Variants in KLB observed in about 807,000 individuals in gnomAD.
KLB encodes klotho beta, also known as beta-klotho.
KLB carries 44 observed loss-of-function variants against 88.4 expected under a neutral mutation model. That is an observed-to-expected ratio of 0.50 (90% CI 0.39 to 0.64). The LOEUF (loss-of-function observed/expected upper bound fraction) is 0.64. Among genes scored for constraint, KLB ranks in the 30% least tolerant of loss-of-function variants. KLB has a pLI of 0.00. For missense variants in KLB, 1,137 were observed against 1,304.8 expected, an observed-to-expected ratio of 0.87 and a Z score of 1.98; for synonymous variants, 548 against 513.4, an observed-to-expected ratio of 1.07 and a Z score of -0.91.
chr4:39,441,525 T>C (rs189093359), intron 3 of KLB: 3 of 152,110 alleles, frequency 2.0e-5, no homozygotes, highest in Non-Finnish European at 2.9e-5. Context: ...GTCTGCCCCT[T>C]CTACATTTCA....
At chr4:39,420,666 A>G (rs1743062193) in intron 1 of KLB, among the ~76,000 whole-genome samples, 1 of 151,992 alleles carries the variant, frequency 6.6e-6, no homozygotes, top group African/African-American at 2.4e-5. Flanking sequence ...CTGGGACTAC[A>G]GGTGCACCTG....
At chr4:39,437,195 CT>C (rs1173607885) in intron 2 of KLB, among the ~76,000 whole-genome samples, 1 of 152,212 alleles carries the variant, frequency 6.6e-6, no homozygotes, top group Non-Finnish European at 1.5e-5. Flanking sequence ...CCTCAGCCCC[CT>C]GCTCTTTAGC....
At chr4:39,448,160 A>T in intron 4 of KLB, 141 bp from the exon 5 acceptor site, 2 of 607,488 alleles carry the variant, frequency 3.3e-6, no homozygotes, top group Non-Finnish European at 5.7e-6. Context: ...TAAAAGAATA[A>T]ATGTCAAAAA....
Position 39,437,959 on chromosome 4 carries a change from T to C in KLB, c.1569T>C (p.Cys523=). 6.2e-7 allele frequency: 1 copy of C among 1,614,188 alleles called. No individual in the cohort carries two copies. Among genetic ancestry groups the C allele is most frequent in the South Asian group, 1.1e-5 (1 of 91,080 alleles). ...STPDVQGQFP[C]DFSWGVTESV... is the part of the protein sequence containing the mutation. ...CAGATGTGCAGGGCCAGTTTCCCTG[T>C]GACTTCTCCTGGGGTGTCACTGAAT... Residue 523 remains cysteine, a synonymous_variant, in exon 3 of 5, where the codon TGT becomes TGC. Transcript: ENST00000257408.
At chr4:39,417,391 C>G (rs1348024119) in intron 1 of KLB, among the ~76,000 whole-genome samples, 1 of 152,054 alleles carries the variant, frequency 6.6e-6, no homozygotes, top group Non-Finnish European at 1.5e-5. Context: ...CTCAGCTCAC[C>G]GTAACCTCAG....
chr4:39,437,845 T>A lies in KLB; in HGVS notation c.1455T>A (p.Ser485Arg). Residue 485 changes from serine to arginine, a missense_variant, in exon 3 of 5, where the codon AGT becomes AGA. By Grantham distance (110) the Ser-to-Arg change is moderately radical. Around this residue, in one of 4 missense-constraint regions of KLB, gnomAD observed 597 missense variants for 765.2 expected, o/e 0.78. Transcript: ENST00000257408. ...GATTATTTTATGTGGATTTTAACAG[T>A]AAACAGAAAGAGCGGAAACCTAAGT... ...RRGLFYVDFN[S>R]KQKERKPKSS... 1 of 1,614,192 alleles carries A rather than the reference T, an allele frequency of 6.2e-7. No homozygotes were observed. Among genetic ancestry groups the A allele is most frequent in the Non-Finnish European group, 8.5e-7 (1 of 1,180,020 alleles).
intron 1 of KLB, among the ~76,000 whole-genome samples, chr4:39,413,333 G>A (rs139731598): frequency 1.9e-3 from 290 of 152,210 alleles, no homozygotes; most frequent in African/African-American, 6.8e-3. Context: ...GAACATTTGA[G>A]AGTCTCTGAG....
chr4:39,447,584 A>C, intron 4 of KLB, 109 bp downstream of exon 4: 1 of 894,342 alleles, frequency 1.1e-6, no homozygotes, highest in East Asian at 2.8e-5. Flanking sequence ...AATTTGTGGC[A>C]CCCAAGTCCT....
intron 1 of KLB, among the ~76,000 whole-genome samples, chr4:39,411,092 T>C (rs1200194331): frequency 6.6e-6 from 1 of 152,160 alleles, no homozygotes; most frequent in Non-Finnish European, 1.5e-5. Flanking sequence ...TCGTTCTTGT[T>C]GCCCAGCCTG....
At chr4:39,425,043 A>C (rs1354061341) in intron 1 of KLB, among the ~76,000 whole-genome samples, 1 of 152,188 alleles carries the variant, frequency 6.6e-6, no homozygotes, top group Non-Finnish European at 1.5e-5. Flanking sequence ...GTCCTTTTGC[A>C]TGAAAAAATT....
chr4:39,426,400 C>A (rs1311580297), intron 1 of KLB, among the ~76,000 whole-genome samples: 5 of 101,908 alleles, frequency 4.9e-5, no homozygotes, highest in Non-Finnish European at 7.0e-5. Context: ...GGTGACAGAG[C>A]AAGACTCCTA....
intron 2 of KLB, among the ~76,000 whole-genome samples, chr4:39,436,641 A>G (rs565110930): frequency 2.6e-5 from 4 of 152,316 alleles, no homozygotes; most frequent in East Asian, 1.9e-4. Flanking sequence ...TCTTTTAAGA[A>G]AGAAAAAAGG....
chr4:39,443,814 CTA>C (rs893738611), intron 3 of KLB, among the ~76,000 whole-genome samples: 1 of 150,506 alleles, frequency 6.6e-6, no homozygotes, highest in African/African-American at 2.4e-5. Context: ...ACTTGGGACT[CTA>C]TGAATATCCT....
chr4:39,437,011 GTT>G (rs1272188150), intron 2 of KLB, among the ~76,000 whole-genome samples: 2 of 152,114 alleles, frequency 1.3e-5, no homozygotes, highest in Non-Finnish European at 2.9e-5. Flanking sequence ...CGCCCCGCCT[GTT>G]GATTTTCATA....
chr4:39,428,436 A>C (rs957734780), intron 1 of KLB, among the ~76,000 whole-genome samples: 1 of 152,080 alleles, frequency 6.6e-6, no homozygotes, highest in Non-Finnish European at 1.5e-5. Flanking sequence ...CTCAAAAAAA[A>C]AAAAAAGAAT....
chr4:39,424,790 G>A (rs1274006820), intron 1 of KLB, among the ~76,000 whole-genome samples: 2 of 151,868 alleles, frequency 1.3e-5, no homozygotes, highest in East Asian at 1.9e-4. Flanking sequence ...CACCACGCCT[G>A]GCTAATTTTT....
At chr4:39,433,781 A>T (rs1578209894) in intron 1 of KLB, among the ~76,000 whole-genome samples, 1 of 152,184 alleles carries the variant, frequency 6.6e-6, no homozygotes, top group Non-Finnish European at 1.5e-5. Context: ...AATTGCTTGA[A>T]CCTGGGAGGC....
At chr4:39,434,132 T>C (rs1743419158) in intron 1 of KLB, 78 bp from the exon 2 acceptor site, 5 of 1,346,844 alleles carry the variant, frequency 3.7e-6, no homozygotes, top group South Asian at 2.8e-5. Context: ...ATTTTATCCA[T>C]GAAAAGGCCA....
rs1368345883 is a variant in KLB, at chr4:39,446,864, A to G, written c.2138A>G (p.His713Arg). ...GGCAACGACACCTACGGGGCGGCGC[A>G]CAACCTGCTGGTGGCCCACGCCCTG... The part of the protein sequence containing the change: ...RSGNDTYGAA[H>R]NLLVAHALAW... Residue 713 changes from histidine (H) to arginine (R), a missense_variant, in exon 4 of 5, where the codon CAC becomes CGC. Coordinates refer to ENST00000257408, the MANE Select transcript of KLB (RefSeq NM_175737.4). This position sits in a 1 kb window ranked among gnomAD's most constrained non-coding sequence, Gnocchi z 6.4. The G allele has an allele frequency of 6.2e-7, 1 of 1,610,652 alleles. No individual in the cohort carries two copies. The highest frequency in any genetic ancestry group is 8.5e-7 in the Non-Finnish European group (1 of 1,179,928).
Sources: gnomAD v4.1 joint callset for allele counts (sites outside exome capture counted in the v4.1 genomes callset) on GRCh38, gnomAD v4.1.1 for gene constraint, gnomAD v4.1.1 regional missense constraint, Gnocchi (gnomAD v3.1) non-coding constraint, MANE v1.5 for transcripts, NCBI Gene and HGNC (gene_info 2026-07-23, HGNC 2026-07-21) for gene names.